UNC5B: variants seen among roughly 807,000 people sequenced by gnomAD.
UNC5B encodes the protein netrin receptor UNC5B.
In UNC5B, 56 loss-of-function variants were observed where a neutral mutation model predicts 103.7. The observed-to-expected ratio is 0.54, with a 90% CI of 0.44 to 0.67. UNC5B has a LOEUF of 0.67. Among genes scored for constraint, UNC5B ranks in the 30% least tolerant of loss-of-function variants. The pLI is 0.00. For synonymous variants in UNC5B, 577 were observed against 542.0 expected, an observed-to-expected ratio of 1.06 and a Z score of -0.90; for missense variants, 1,194 against 1,284.5, an observed-to-expected ratio of 0.93 and a Z score of 1.08.
At chr10:71,283,223 G>C (rs1844976055) in intron 2 of UNC5B, among the ~76,000 whole-genome samples, 1 of 152,208 alleles carries the variant, frequency 6.6e-6, no homozygotes, top group Non-Finnish European at 1.5e-5. Context: ...AGGGGACTTG[G>C]TGCCTGCCAC....
chr10:71,296,484 C>T, intron 14 of UNC5B, 94 bp from the exon 15 acceptor site: 2 of 1,438,070 alleles, frequency 1.4e-6, no homozygotes, highest in South Asian at 1.3e-5. Flanking sequence ...CCTGAACTGC[C>T]CCCCAAAGCT....
chr10:71,213,728 A>AGTGTGTGTGTGTGTGTGTGTGTGT lies in UNC5B; in HGVS notation c.79+675_79+698dup, dbSNP rs58235566. 6.4e-4 allele frequency among the ~76,000 whole-genome samples: 84 copies of AGTGTGTGTGTGTGTGTGTGTGTGT among 131,466 alleles called. 1 individual carries two copies. The highest frequency in any genetic ancestry group is 2.2e-3 in the African/African-American group (75 of 34,252). 86.2% of individuals were successfully genotyped at this position (131,466 alleles called of 152,430 possible). A position where few individuals can be genotyped will look rare whatever the true frequency, so the allele number is the denominator to read the frequency against. ...ATTATTAATTTTCTGAGTGTTGGAG[A>AGTGTGTGTGTGTGTGTGTGTGTGT]GTGTGTGTGTGTGTGTGTGTGTGTG... On this transcript the variant is annotated intron_variant, in intron 1 of 16. Transcript: ENST00000335350. This position sits in a 1 kb window ranked among gnomAD's most constrained non-coding sequence, Gnocchi z 4.1.
Position 71,240,083 on chromosome 10 carries a change from A to T in UNC5B, c.79+27019A>T, listed in dbSNP as rs1843863846. ...CCTTCCTTCCCTCCCCACCTACCCC[A>T]CCCACCCTCACGGTCTCTCCATTCT... On this transcript the variant is annotated intron_variant, in intron 1 of 16. Transcript: ENST00000335350. Among the ~76,000 whole-genome samples the T allele has an allele frequency of 1.4e-5, 2 of 146,694 alleles. 1 individual carries two copies. The highest frequency in any genetic ancestry group is 5.0e-5 in the African/African-American group (2 of 39,976).
chr10:71,239,668 G>A (rs1713070159), intron 1 of UNC5B, among the ~76,000 whole-genome samples: 1 of 152,196 alleles, frequency 6.6e-6, no homozygotes, highest in African/African-American at 2.4e-5. Context: ...GTTCAGCAGT[G>A]CAAGAGCAGG....
At chr10:71,286,900 C>A in intron 5 of UNC5B, 31 bp downstream of exon 5, 1 of 1,606,834 alleles carries the variant, frequency 6.2e-7, no homozygotes, top group Non-Finnish European at 8.5e-7. Context: ...GAGGGGCAGA[C>A]ACGGCCAAGG....
chr10:71,291,776 G>C lies in UNC5B; in HGVS notation c.1639G>C (p.Gly547Arg). The C allele has an allele frequency of 6.2e-7, 1 of 1,606,756 alleles. No individual in the cohort carries two copies. Among genetic ancestry groups the C allele is most frequent in the Non-Finnish European group, 8.5e-7 (1 of 1,179,432 alleles). Residue 547 changes from glycine to arginine, a missense_variant, in exon 10 of 17, where the codon GGC (glycine) becomes CGC (arginine). Coordinates refer to ENST00000335350, the MANE Select transcript of UNC5B (RefSeq NM_170744.5). ...LPRDPGSSVS[G>R]TFGCLGGRLS... is the part of the protein sequence containing the mutation. ...CCGAGACCCAGGGAGCAGCGTCAGC[G>C]GCACCTTTGGCTGCCTGGGTGGGAG...
At chr10:71,239,489 A>G (rs1843846511) in intron 1 of UNC5B, among the ~76,000 whole-genome samples, 1 of 152,116 alleles carries the variant, frequency 6.6e-6, no homozygotes, top group South Asian at 2.1e-4. Flanking sequence ...CTGGCTGATC[A>G]CTTAACCTCT....
intron 1 of UNC5B, among the ~76,000 whole-genome samples, chr10:71,226,050 T>A (rs895504489): frequency 1.3e-5 from 2 of 152,228 alleles, no homozygotes; most frequent in African/African-American, 4.8e-5. Context: ...TATCAGATCA[T>A]AAGCGTTTTT....
Position 71,291,745 on chromosome 10 carries a change from C to T in UNC5B, c.1608C>T (p.Gly536=). 6.2e-7 allele frequency: 1 copy of T among 1,611,012 alleles called. No individual in the cohort carries two copies. The highest frequency in any genetic ancestry group is 8.5e-7 in the Non-Finnish European group (1 of 1,179,924). Residue 536 remains glycine (G), a synonymous_variant, in exon 10 of 17, where the codon GGC becomes GGT. Coordinates refer to ENST00000335350, the MANE Select transcript of UNC5B (RefSeq NM_170744.5). ...GCCTCGGTTCCCAGCAGCTCTTGGGCCTGCCCCGAGACCCAGGGAGCAGCG... is the reference window on the plus strand; with the variant it reads ...GCCTCGGTTCCCAGCAGCTCTTGGGTCTGCCCCGAGACCCAGGGAGCAGCG... ...SASLGSQQLL[G]LPRDPGSSVS...
chr10:71,297,926 G>A lies in UNC5B; in HGVS notation c.2508G>A (p.Leu836=). ...TTLAETPAGS[L]DTLCSAPGST... The stretch of plus-strand genomic sequence containing the variant: ...CCTTGCAGACACCTGCTGGCTCCCT[G>A]GACACTCTCTGCTCTGCCCCTGGCA... The change falls in exon 16 of 17, where the codon CTG becomes CTA. Residue 836 remains leucine, a synonymous_variant. Coordinates refer to ENST00000335350, the MANE Select transcript of UNC5B (RefSeq NM_170744.5). 1 of 1,613,062 alleles carries A rather than the reference G, an allele frequency of 6.2e-7. No individual in the cohort carries two copies. Among genetic ancestry groups the A allele is most frequent in the Admixed American group, 1.7e-5 (1 of 59,960 alleles).
chr10:71,269,191 C>T (rs965849296), intron 1 of UNC5B, among the ~76,000 whole-genome samples: 2 of 152,046 alleles, frequency 1.3e-5, no homozygotes, highest in African/African-American at 4.8e-5. Flanking sequence ...AGAGGATCAA[C>T]ATCCAGTGTA....
intron 1 of UNC5B, among the ~76,000 whole-genome samples, chr10:71,250,816 A>G (rs1429017808): frequency 6.6e-6 from 1 of 152,200 alleles, no homozygotes; most frequent in Non-Finnish European, 1.5e-5. Flanking sequence ...TTTATAATCT[A>G]TGGGAGTATA....
chr10:71,270,928 T>C (rs1318040747), intron 1 of UNC5B, among the ~76,000 whole-genome samples: 2 of 152,152 alleles, frequency 1.3e-5, no homozygotes, highest in Non-Finnish European at 2.9e-5. Context: ...AGAAAGGCAC[T>C]GTGGTCCCAG....
intron 1 of UNC5B, among the ~76,000 whole-genome samples, chr10:71,248,307 C>T (rs917159346): frequency 6.6e-6 from 1 of 152,136 alleles, no homozygotes; most frequent in South Asian, 2.1e-4. Flanking sequence ...CAAGCAGGGA[C>T]GCCCTGGGAG....
intron 15 of UNC5B, among the ~76,000 whole-genome samples, chr10:71,296,996 G>GGGCCAGA (rs1845455738): frequency 3.4e-5 from 5 of 145,064 alleles, no homozygotes; most frequent in Non-Finnish European, 6.2e-5. Flanking sequence ...GTGGAGGTGA[G>GGGCCAGA]GGAAGGGCGG....
intron 10 of UNC5B, among the ~76,000 whole-genome samples, chr10:71,292,057 G>A (rs1047021460): frequency 1.3e-5 from 2 of 152,218 alleles, no homozygotes; most frequent in African/African-American, 4.8e-5. Context: ...CATCTTCTAA[G>A]CTTCAGTGTC....
At chr10:71,240,363 G>A (rs376846358) in intron 1 of UNC5B, among the ~76,000 whole-genome samples, 6 of 152,368 alleles carry the variant, frequency 3.9e-5, no homozygotes, top group South Asian at 2.1e-4. Flanking sequence ...CCTCTTGAGC[G>A]TGATACCCCT....
rs1845559401 is a variant in UNC5B, at chr10:71,300,332, C to T, written c.*1055C>T. 6.6e-6 allele frequency: 1 copy of T among 152,224 alleles called. No individual in the cohort carries two copies. Among genetic ancestry groups the T allele is most frequent in the Non-Finnish European group, 1.5e-5 (1 of 68,092 alleles). The allele number at this position is 152,224 out of a possible 1,614,324, so 9.4% of individuals were successfully genotyped here. A position where few individuals can be genotyped will look rare whatever the true frequency, so the allele number is the denominator to read the frequency against. On this transcript the variant is annotated 3_prime_UTR_variant, in exon 17 of 17. Coordinates refer to ENST00000335350, the MANE Select transcript of UNC5B (RefSeq NM_170744.5). Reference sequence around the variant, plus strand: ...GCCCCAGGGAGATACATCTGGACTCCTGGGAATCTGGATTAAGAAAGTTGG... The same window carrying T: ...GCCCCAGGGAGATACATCTGGACTCTTGGGAATCTGGATTAAGAAAGTTGG...
rs1203502935 is a variant in UNC5B, at chr10:71,301,792, T to C, written c.*2515T>C. 3 of 152,244 alleles carry C rather than the reference T, an allele frequency of 2.0e-5. No individual in the cohort carries two copies. Among genetic ancestry groups the C allele is most frequent in the Non-Finnish European group, 2.9e-5 (2 of 68,048 alleles). 9.4% of individuals were successfully genotyped at this position (152,244 alleles called of 1,614,324 possible). On this transcript the variant is annotated 3_prime_UTR_variant, in exon 17 of 17. Coordinates refer to ENST00000335350, the MANE Select transcript of UNC5B (RefSeq NM_170744.5). ...TCAGTGTCCTTTTCATACCTAGAAG[T>C]CTGCGGTCTGAGGCTCTTTGGGTTC...
Sources: gnomAD v4.1 joint callset for allele counts (sites outside exome capture counted in the v4.1 genomes callset) on GRCh38, gnomAD v4.1.1 for gene constraint, Gnocchi (gnomAD v3.1) non-coding constraint, MANE v1.5 for transcripts, NCBI Gene and HGNC (gene_info 2026-07-23, HGNC 2026-07-21) for gene names.